Variants in ZNF829 observed in about 807,000 individuals in gnomAD.
The protein encoded by ZNF829 is zinc finger protein 829.
A neutral mutation model predicts 35.2 loss-of-function variants in ZNF829; 25 were observed. The observed-to-expected ratio is 0.71, with a 90% CI of 0.52 to 0.99. ZNF829 has a LOEUF of 0.99. ZNF829 is among the 50% of genes least tolerant of loss of function. The probability of loss-of-function intolerance (pLI) is 0.00; values close to 1 mark genes in which losing one functional copy is unlikely to be tolerated. For synonymous variants in ZNF829, 136 were observed against 163.2 expected (o/e 0.83, Z 1.27); for missense variants, 417 against 515.3 (o/e 0.81, Z 1.85).
In ZNF829 at chr19:36,892,031, T is replaced by C. The variant is rs2073059054; in HGVS notation, c.760A>G (p.Asn254Asp). 6.2e-7 allele frequency: 1 copy of C among 1,613,534 alleles called. No individual in the cohort carries two copies. The highest frequency in any genetic ancestry group is 1.3e-5 in the African/African-American group (1 of 74,840). The change falls in exon 6 of 6, where the codon AAC becomes GAC. Residue 254 changes from asparagine to aspartate, a missense_variant. Physicochemically the swap from Asn to Asp is conservative, Grantham distance 23. Transcript: ENST00000391711. ...ECGKAFKYCSNLNDHQRIHTG... is the reference protein window; with the variant it reads ...ECGKAFKYCSDLNDHQRIHTG... ...TGAATTCTCTGATGATCATTAAGGT[T>C]TGAGCAATACTTAAAGGCTTTTCCA...
intron 5 of ZNF829, among the ~76,000 whole-genome samples, chr19:36,893,190 C>T (rs532325915): frequency 2.0e-5 from 3 of 152,178 alleles, no homozygotes; most frequent in South Asian, 4.2e-4. Context: ...CACCAGCCTC[C>T]GACAAATCTA....
intron 5 of ZNF829, among the ~76,000 whole-genome samples, chr19:36,897,249 C>G (rs1332308220): frequency 6.6e-6 from 1 of 152,088 alleles, no homozygotes; most frequent in African/African-American, 2.4e-5. Flanking sequence ...AAGGACACAA[C>G]AACAACAACA....
chr19:36,892,351 T>G lies in ZNF829; in HGVS notation c.440A>C (p.Gln147Pro), dbSNP rs74941316. 1.3e-3 allele frequency: 2,151 copies of G among 1,613,794 alleles called. 33 individuals are homozygous for G. In the East Asian group the frequency reaches 0.038, roughly 29 times the overall value. The change falls in exon 6 of 6, where the codon CAA becomes CCA. Residue 147 changes from glutamine (Q) to proline (P), a missense_variant. Transcript: ENST00000391711. ...FIQPTFLIPP[Q>P]KTMSEEKPWE... is the part of the protein sequence containing the mutation. Reference sequence around the variant, plus strand: ...TGGTTTCTCTTCACTCATAGTTTTTTGAGGTGGAATAAGAAATGTGGGCTG... The same window carrying G: ...TGGTTTCTCTTCACTCATAGTTTTTGGAGGTGGAATAAGAAATGTGGGCTG...
chr19:36,891,936 T>A lies in ZNF829; in HGVS notation c.855A>T (p.Leu285=), dbSNP rs1360759344. 3.7e-6 allele frequency: 6 copies of A among 1,613,856 alleles called. No individual in the cohort carries two copies. The highest frequency in any genetic ancestry group is 5.1e-6 in the Non-Finnish European group (6 of 1,179,946). The change falls in exon 6 of 6, where the codon CTA becomes CTT. Residue 285 remains leucine (L), a synonymous_variant. Transcript: ENST00000391711. ...KAFTKSSQLF[L]HLRIHTGEKP... ...TCTCACCAGTATGAATTCTCAGATG[T>A]AGAAAAAGTTGTGAACTTTTAGTAA... is the stretch of plus-strand genomic sequence containing the variant.
chr19:36,892,521 A>T, intron 5 of ZNF829, 50 bp from the exon 6 acceptor site: 2 of 1,490,542 alleles, frequency 1.3e-6, no homozygotes, highest in Non-Finnish European at 1.8e-6. Flanking sequence ...GGGCAAGTTA[A>T]AACTTCTAAA....
chr19:36,891,782 A>T lies in ZNF829; in HGVS notation c.1009T>A (p.Ser337Thr). The T allele has an allele frequency of 6.2e-7, 1 of 1,614,166 alleles. No individual in the cohort carries two copies. The change falls in exon 6 of 6, where the codon TCA becomes ACA. Residue 337 changes from serine (S) to threonine (T), a missense_variant. Transcript: ENST00000391711. ...KQCGKAFNSA[S>T]TLTNHHRIHA... ...ATTCTGTGATGGTTAGTAAGTGTTGAGGCACTATTAAAGGCCTTCCCACAC... is the reference window on the plus strand; with the variant it reads ...ATTCTGTGATGGTTAGTAAGTGTTGTGGCACTATTAAAGGCCTTCCCACAC...
intron 3 of ZNF829, among the ~76,000 whole-genome samples, chr19:36,910,478 ATTC>A (rs2073255136): frequency 6.6e-6 from 1 of 152,332 alleles, no homozygotes; most frequent in East Asian, 1.9e-4. Flanking sequence ...GGAAATTACA[ATTC>A]TTATAAGACT....
At chr19:36,893,097 G>A (rs963740746) in intron 5 of ZNF829, 5 of 397,784 alleles carry the variant, frequency 1.3e-5, no homozygotes, top group Non-Finnish European at 2.2e-5. Context: ...TGAAAGGACT[G>A]TTAAGAATAA....
In ZNF829 at chr19:36,916,172, A is replaced by C; in HGVS notation, c.-246T>G. The C allele has an allele frequency of 6.0e-6, 3 of 500,520 alleles. No homozygotes were observed. Among genetic ancestry groups the C allele is most frequent in the Non-Finnish European group, 1.1e-5 (3 of 283,120 alleles). 31.0% of individuals were successfully genotyped at this position (500,520 alleles called of 1,614,324 possible). On this transcript the variant is annotated 5_prime_UTR_variant, in exon 1 of 6. Coordinates refer to ENST00000391711, the MANE Select transcript of ZNF829 (RefSeq NM_001037232.4). The surrounding 1 kb of genome is among the most constrained non-coding windows in gnomAD (Gnocchi z 5.3). Reference sequence around the variant, plus strand: ...CCCACCCGAAACGGCTGCTCCCTCAACTCTCAACATCCAGCCGAGCCTCGG... The same window carrying C: ...CCCACCCGAAACGGCTGCTCCCTCACCTCTCAACATCCAGCCGAGCCTCGG...
chr19:36,904,598 C>T (rs1252137423), intron 5 of ZNF829, among the ~76,000 whole-genome samples: 4 of 151,986 alleles, frequency 2.6e-5, no homozygotes, highest in African/African-American at 4.8e-5. Flanking sequence ...CGGGGTTTTG[C>T]CATGTTGGCC....
chr19:36,915,674 T>C (rs2146255729), intron 1 of ZNF829: 2 of 628,476 alleles, frequency 3.2e-6, no homozygotes, highest in East Asian at 5.8e-5. Flanking sequence ...CTCGGCTCAC[T>C]GCAACCTCCG....
In ZNF829 at chr19:36,908,084, C is replaced by T. The variant is rs1044089212; in HGVS notation, c.224-60G>A. 9 of 1,470,384 alleles carry T rather than the reference C, an allele frequency of 6.1e-6. No individual in the cohort carries two copies. In the African/African-American group the frequency reaches 9.9e-5, roughly 16 times the overall value. 91.1% of individuals were successfully genotyped at this position (1,470,384 alleles called of 1,614,324 possible). A position where few individuals can be genotyped will look rare whatever the true frequency, so the allele number is the denominator to read the frequency against. On this transcript the variant is annotated intron_variant, in intron 4 of 5. Coordinates refer to ENST00000391711, the MANE Select transcript of ZNF829 (RefSeq NM_001037232.4). ...CTGTGGGGTCCCCAGAAATCAGATC[C>T]AGTCCCTTAGTGATCAAAGGAGAGA...
At chr19:36,913,263 C>T (rs963225801) in intron 3 of ZNF829, among the ~76,000 whole-genome samples, 2 of 152,160 alleles carry the variant, frequency 1.3e-5, no homozygotes, top group African/African-American at 4.8e-5. Context: ...GTACCAAACA[C>T]ATACAATTTA....
At chr19:36,900,847 G>GAAAAAAAAAAAAAA (rs59848712) in intron 5 of ZNF829, among the ~76,000 whole-genome samples, 2 of 88,976 alleles carry the variant, frequency 2.2e-5, no homozygotes. Context: ...GACTGTCTCA[G>GAAAAAAAAAAAAAA]AAAAAAAAAA....
At chr19:36,914,915 A>T in intron 3 of ZNF829, 50 bp downstream of exon 3, 4 of 1,579,664 alleles carry the variant, frequency 2.5e-6, no homozygotes, top group Non-Finnish European at 3.5e-6. Flanking sequence ...ATTAAATGAC[A>T]TTCCTTTAAG....
intron 1 of ZNF829, 148 bp downstream of exon 1, chr19:36,915,863 C>T: frequency 6.5e-7 from 1 of 1,536,090 alleles, no homozygotes; most frequent in South Asian, 1.2e-5. Flanking sequence ...CCAAACACAA[C>T]CTCCACCTTT....
intron 3 of ZNF829, among the ~76,000 whole-genome samples, chr19:36,910,741 T>G (rs1211402990): frequency 1.3e-5 from 2 of 152,166 alleles, no homozygotes; most frequent in African/African-American, 4.8e-5. Context: ...GTGCGGTAGC[T>G]CATGCCTGTA....
intron 5 of ZNF829, among the ~76,000 whole-genome samples, chr19:36,899,470 T>A (rs1008730116): frequency 6.7e-6 from 1 of 150,076 alleles, no homozygotes; most frequent in Non-Finnish European, 1.5e-5. Context: ...CTGGGTACAT[T>A]CTATTAGTAA....
intron 5 of ZNF829, chr19:36,902,108 G>T: frequency 7.9e-6 from 3 of 381,662 alleles, no homozygotes; most frequent in Non-Finnish European, 4.8e-6. Context: ...AGTCAATGTG[G>T]ATGAGAACTA....
Sources: gnomAD v4.1 joint callset for allele counts (sites outside exome capture counted in the v4.1 genomes callset) on GRCh38, gnomAD v4.1.1 for gene constraint, Gnocchi (gnomAD v3.1) non-coding constraint, MANE v1.5 for transcripts, NCBI Gene and HGNC (gene_info 2026-07-23, HGNC 2026-07-21) for gene names.